KIAA1549: variants seen among roughly 807,000 people sequenced by gnomAD.
KIAA1549 encodes KIAA1549, also known as UPF0606 protein KIAA1549.
Under a neutral mutation model 156.4 loss-of-function variants are expected in KIAA1549, and 70 were observed. That is an observed-to-expected ratio of 0.45 (90% CI 0.37 to 0.55). The LOEUF (loss-of-function observed/expected upper bound fraction) is 0.55. KIAA1549 is among the 20% of genes least tolerant of loss of function. The probability of loss-of-function intolerance (pLI) is 0.00; values close to 1 mark genes in which losing one functional copy is unlikely to be tolerated. For synonymous variants in KIAA1549, 1,103 were observed against 1,066.4 expected (o/e 1.03, Z -0.67); for missense variants, 2,428 against 2,540.9 (o/e 0.96, Z 0.96).
intron 19 of KIAA1549, 41 bp downstream of exon 19, chr7:138,840,092 T>C (rs1051865422): frequency 7.9e-6 from 12 of 1,526,956 alleles, no homozygotes; most frequent in African/African-American, 5.5e-5. Context: ...ACCTGGCCTA[T>C]GTCTAAATTT....
At chr7:138,941,161 G>A (rs1490466639) in intron 1 of KIAA1549, among the ~76,000 whole-genome samples, 2 of 152,126 alleles carry the variant, frequency 1.3e-5, no homozygotes, top group Non-Finnish European at 2.9e-5. Flanking sequence ...GAACAATAAT[G>A]TTATTTGTGT....
intron 1 of KIAA1549, among the ~76,000 whole-genome samples, chr7:138,927,110 A>G (rs1196602373): frequency 6.6e-6 from 1 of 152,136 alleles, no homozygotes; most frequent in Non-Finnish European, 1.5e-5. Flanking sequence ...TTCTCTCCGT[A>G]TTGGTTTTCT....
chr7:138,919,335 A>G lies in KIAA1549; in HGVS notation c.291T>C (p.Thr97=), dbSNP rs551046302. The G allele has an allele frequency of 1.5e-5, 24 of 1,614,016 alleles. No homozygotes were observed. The African/African-American group carries it at 2.1e-4, about 14-fold the overall frequency. Residue 97 remains threonine (T), a synonymous_variant, in exon 2 of 20, where the codon ACT becomes ACC. Coordinates refer to ENST00000422774, the MANE Select transcript of KIAA1549 (RefSeq NM_001164665.2). ...HSAAQVALTE[T]APGSQHSSPL... ...GACTGCTGTGCTGGGAGCCGGGAGC[A>G]GTTTCTGTTAAGGCCACTTGTGCAG...
intron 1 of KIAA1549, among the ~76,000 whole-genome samples, chr7:138,956,575 C>A (rs57156160): frequency 0.088 from 13,334 of 151,934 alleles, 633 homozygotes; most frequent in African/African-American, 0.099. Flanking sequence ...AAGGGGAAAC[C>A]CCTTTCGCTT....
chr7:138,848,061 A>C (rs1810131629), intron 17 of KIAA1549, among the ~76,000 whole-genome samples: 1 of 152,222 alleles, frequency 6.6e-6, no homozygotes, highest in Non-Finnish European at 1.5e-5. Flanking sequence ...TTGGCTTGCT[A>C]TTTAGCAATT....
intron 13 of KIAA1549, 37 bp downstream of exon 13, chr7:138,871,119 GT>G (rs759737973): frequency 8.8e-6 from 14 of 1,590,314 alleles, no homozygotes; most frequent in Non-Finnish European, 1.2e-5. Context: ...GCTTAGCCGA[GT>G]TTTTTAAGTA....
chr7:138,865,177 C>T (rs1193960267), intron 15 of KIAA1549, among the ~76,000 whole-genome samples: 4 of 151,724 alleles, frequency 2.6e-5, no homozygotes, highest in Admixed American at 2.0e-4. Flanking sequence ...TGCAGTGAGC[C>T]GTGATTGCAC....
chr7:138,935,733 G>A (rs1165984728), intron 1 of KIAA1549, among the ~76,000 whole-genome samples: 1 of 152,176 alleles, frequency 6.6e-6, no homozygotes, highest in Non-Finnish European at 1.5e-5. Flanking sequence ...TCCCTGGGGG[G>A]TATTAATTCC....
intron 13 of KIAA1549, among the ~76,000 whole-genome samples, chr7:138,870,627 C>T (rs1003632965): frequency 2.0e-5 from 3 of 152,118 alleles, no homozygotes; most frequent in Non-Finnish European, 4.4e-5. Flanking sequence ...AGCCCCTGGT[C>T]GGCCGCACTA....
rs933085929 is a variant in KIAA1549, at chr7:138,932,333, G to C, written c.188-12895C>G. Among the ~76,000 whole-genome samples the C allele has an allele frequency of 4.6e-5, 7 of 152,084 alleles. 1 individual carries two copies. The highest frequency in any genetic ancestry group is 1.7e-4 in the African/African-American group (7 of 41,384). On this transcript the variant is annotated intron_variant, in intron 1 of 19. Transcript: ENST00000422774. ...ACATGGTTTTGGGGTTGGAGGCAGAGGGGCAGTACTAGGAATGCAGCCCAC... is the reference window on the plus strand; with the variant it reads ...ACATGGTTTTGGGGTTGGAGGCAGACGGGCAGTACTAGGAATGCAGCCCAC...
At chr7:138,839,198 T>C (rs1356147776) in intron 19 of KIAA1549, among the ~76,000 whole-genome samples, 1 of 152,050 alleles carries the variant, frequency 6.6e-6, no homozygotes, top group South Asian at 2.1e-4. Context: ...CATCCAGCCA[T>C]GAAAGGAATT....
chr7:138,867,908 C>A, intron 15 of KIAA1549, 67 bp downstream of exon 15: 1 of 1,547,412 alleles, frequency 6.5e-7, no homozygotes, highest in South Asian at 1.2e-5. Flanking sequence ...CTTCTCCTCC[C>A]CTTTCAGCGC....
intron 10 of KIAA1549, among the ~76,000 whole-genome samples, chr7:138,892,502 AG>A (rs1358971829): frequency 6.6e-6 from 1 of 152,250 alleles, no homozygotes; most frequent in Non-Finnish European, 1.5e-5. Flanking sequence ...TAGTATACCC[AG>A]CACTTTTTTT....
chr7:138,981,038 C>T lies in KIAA1549; in HGVS notation c.187+45G>A. 2.5e-6 allele frequency: 3 copies of T among 1,214,304 alleles called. No individual in the cohort carries two copies. Among genetic ancestry groups the T allele is most frequent in the Non-Finnish European group, 2.1e-6 (2 of 975,420 alleles). 75.2% of individuals were successfully genotyped at this position (1,214,304 alleles called of 1,614,324 possible). A position where few individuals can be genotyped will look rare whatever the true frequency, so the allele number is the denominator to read the frequency against. On this transcript the variant is annotated intron_variant, in intron 1 of 19. Coordinates refer to ENST00000422774, the MANE Select transcript of KIAA1549 (RefSeq NM_001164665.2). The surrounding 1 kb of genome is among the most constrained non-coding windows in gnomAD (Gnocchi z 4.5). Reference sequence around the variant, plus strand: ...GTTTTGAAAACAGCAGCGATAAAGGCAGGCGGGGTCGCGGCCGCGTTCCGA... The same window carrying T: ...GTTTTGAAAACAGCAGCGATAAAGGTAGGCGGGGTCGCGGCCGCGTTCCGA...
chr7:138,851,812 A>T (rs1810242299), intron 17 of KIAA1549, among the ~76,000 whole-genome samples: 1 of 152,138 alleles, frequency 6.6e-6, no homozygotes, highest in Non-Finnish European at 1.5e-5. Context: ...TCCCAGCCCC[A>T]TGAGTCTGTC....
At chr7:138,852,694 A>G (rs963791721) in intron 16 of KIAA1549, among the ~76,000 whole-genome samples, 16 of 152,254 alleles carry the variant, frequency 1.1e-4, no homozygotes, top group African/African-American at 3.9e-4. Flanking sequence ...CACAAAGGTC[A>G]GCGAGACCCA....
At chr7:138,884,625 G>A (rs1286248567) in intron 10 of KIAA1549, among the ~76,000 whole-genome samples, 1 of 152,160 alleles carries the variant, frequency 6.6e-6, no homozygotes, top group Non-Finnish European at 1.5e-5. Context: ...TTTTGTTTTT[G>A]TTTAATTAAC....
intron 1 of KIAA1549, among the ~76,000 whole-genome samples, chr7:138,935,890 T>A (rs1350630015): frequency 1.3e-5 from 2 of 152,196 alleles, no homozygotes; most frequent in African/African-American, 4.8e-5. Flanking sequence ...AGGCACCATG[T>A]CTGGACAAAG....
chr7:138,922,413 G>C (rs888222583), intron 1 of KIAA1549, among the ~76,000 whole-genome samples: 5 of 152,010 alleles, frequency 3.3e-5, no homozygotes, highest in Admixed American at 2.0e-4. Context: ...CAAAAGTCAA[G>C]AGAAATCCCA....
Sources: allele counts gnomAD v4.1 joint callset (sites outside exome capture counted in the v4.1 genomes callset), GRCh38; gene constraint gnomAD v4.1.1; non-coding constraint Gnocchi (gnomAD v3.1); transcripts MANE v1.5; gene names NCBI Gene and HGNC (gene_info 2026-07-23, HGNC 2026-07-21).